NR2C2: variants seen among roughly 807,000 people sequenced by gnomAD.
NR2C2 encodes the protein Nuclear hormone receptor TR4.
Under a neutral mutation model 62.9 loss-of-function variants are expected in NR2C2, and 6 were observed. That is an observed-to-expected ratio of 0.10 (90% CI 0.05 to 0.19). The LOEUF (loss-of-function observed/expected upper bound fraction) is 0.19, where lower values mean the gene tolerates loss of function less well. Among genes scored for constraint, NR2C2 ranks in the 10% least tolerant of loss-of-function variants. The probability of loss-of-function intolerance (pLI) is 1.00; values close to 1 mark genes in which losing one functional copy is unlikely to be tolerated. For synonymous variants in NR2C2, 272 were observed against 273.8 expected (o/e 0.99, Z 0.07); for missense variants, 479 against 762.7 (o/e 0.63, Z 4.38).
intron 10 of NR2C2, among the ~76,000 whole-genome samples, chr3:15,033,671 CA>C (rs2042036063): frequency 9.4e-6 from 1 of 105,968 alleles, no homozygotes; most frequent in South Asian, 3.1e-4. Flanking sequence ...TTTTAAATAA[CA>C]CCACAGTCCA....
chr3:14,990,058 G>A (rs2040626223), intron 1 of NR2C2, among the ~76,000 whole-genome samples: 1 of 151,894 alleles, frequency 6.6e-6, no homozygotes, highest in African/African-American at 2.4e-5. Context: ...AGCCATGATT[G>A]CACCACTGGC....
chr3:14,954,346 G>C (rs943089737), intron 1 of NR2C2, among the ~76,000 whole-genome samples: 2 of 151,950 alleles, frequency 1.3e-5, no homozygotes, highest in African/African-American at 2.4e-5. Context: ...ATTAAAAATA[G>C]ATAAAAGTAA....
intron 2 of NR2C2, among the ~76,000 whole-genome samples, chr3:15,007,001 C>T (rs2041192638): frequency 6.6e-6 from 1 of 152,092 alleles, no homozygotes; most frequent in Non-Finnish European, 1.5e-5. Flanking sequence ...TCTCGAACTC[C>T]TGACCTCAGC....
chr3:15,028,290 T>G (rs2041879215), intron 7 of NR2C2, among the ~76,000 whole-genome samples: 1 of 152,246 alleles, frequency 6.6e-6, no homozygotes, highest in Admixed American at 6.5e-5. Flanking sequence ...GTTGTCCTTT[T>G]GTTTTATGGG....
intron 4 of NR2C2, among the ~76,000 whole-genome samples, chr3:15,019,723 C>T (rs1559296705): frequency 1.3e-5 from 2 of 151,562 alleles, no homozygotes; most frequent in African/African-American, 4.9e-5. Context: ...ATCATAGAAA[C>T]AGAGAGTAGA....
intron 10 of NR2C2, among the ~76,000 whole-genome samples, chr3:15,033,741 C>G (rs1437378881): frequency 6.6e-6 from 1 of 150,932 alleles, no homozygotes; most frequent in African/African-American, 2.4e-5. Flanking sequence ...ACATTGTTAC[C>G]CACTGCCCTG....
At chr3:14,986,741 A>G (rs2040524608) in intron 1 of NR2C2, among the ~76,000 whole-genome samples, 1 of 152,242 alleles carries the variant, frequency 6.6e-6, no homozygotes, top group South Asian at 2.1e-4. Flanking sequence ...CTACCAGAAT[A>G]AAAAATCAAA....
chr3:14,981,769 G>T (rs886241147), intron 1 of NR2C2, among the ~76,000 whole-genome samples: 1 of 152,134 alleles, frequency 6.6e-6, no homozygotes, highest in African/African-American at 2.4e-5. Context: ...AGGCCTGAGA[G>T]CCCCTGGCAG....
chr3:14,992,043 A>AT (rs1319332638), intron 1 of NR2C2, among the ~76,000 whole-genome samples: 2 of 152,078 alleles, frequency 1.3e-5, no homozygotes, highest in Non-Finnish European at 2.9e-5. Context: ...AACTGCTGTG[A>AT]TTATAGACAT....
rs1301047026 is a variant in NR2C2, at chr3:15,049,009, C to T, written c.*6001C>T. The stretch of plus-strand genomic sequence containing the variant: ...ACCTGTTGAAAGCTGCAGCTTTATA[C>T]AGCTTTCTTCTCCCTGTGAAATCAC... On this transcript the variant is annotated 3_prime_UTR_variant, in exon 14 of 14. Coordinates refer to ENST00000425241, the MANE Select transcript of NR2C2 (RefSeq NM_001291694.2). The T allele has an allele frequency of 2.0e-5, 3 of 152,644 alleles. No individual in the cohort carries two copies. The highest frequency in any genetic ancestry group is 4.8e-5 in the African/African-American group (2 of 41,454). The allele number at this position is 152,644 out of a possible 1,614,324, so 9.5% of individuals were successfully genotyped here.
chr3:15,027,173 G>A (rs1229736284), intron 7 of NR2C2, among the ~76,000 whole-genome samples: 7 of 151,784 alleles, frequency 4.6e-5, no homozygotes, highest in Admixed American at 3.3e-4. Context: ...CCAATTTTGT[G>A]TTTTTAGTAG....
At chr3:15,003,743 T>C in intron 1 of NR2C2, 133 bp from the exon 2 acceptor site, 3 of 582,738 alleles carry the variant, frequency 5.1e-6, no homozygotes, top group Non-Finnish European at 9.1e-6. Flanking sequence ...GTCATCATCC[T>C]TCTGGGTCCA....
chr3:14,994,567 C>T (rs1169373379), intron 1 of NR2C2, among the ~76,000 whole-genome samples: 2 of 150,876 alleles, frequency 1.3e-5, no homozygotes, highest in African/African-American at 4.9e-5. Context: ...CTCAGACTCC[C>T]GAGTAGCTGG....
chr3:15,036,494 TTTTGTTTG>T (rs563314391), intron 11 of NR2C2, among the ~76,000 whole-genome samples: 4 of 152,018 alleles, frequency 2.6e-5, no homozygotes, highest in Non-Finnish European at 5.9e-5. Context: ...GTTGTTGTTG[TTTTGTTTG>T]TTTGTTTTTT....
chr3:15,034,593 A>T (rs971562585), intron 10 of NR2C2, 77 bp from the exon 11 acceptor site: 22 of 1,485,968 alleles, frequency 1.5e-5, no homozygotes, highest in Middle Eastern at 1.8e-4. Flanking sequence ...AAATGCTGGG[A>T]CTTAGTGCCT....
chr3:15,032,895 A>G (rs1407789441), intron 10 of NR2C2, among the ~76,000 whole-genome samples: 2 of 152,162 alleles, frequency 1.3e-5, no homozygotes, highest in Non-Finnish European at 2.9e-5. Flanking sequence ...TGGATTTACA[A>G]TCTCACACAA....
At chr3:14,984,124 G>T (rs1318190361) in intron 1 of NR2C2, among the ~76,000 whole-genome samples, 1 of 152,082 alleles carries the variant, frequency 6.6e-6, no homozygotes, top group Non-Finnish European at 1.5e-5. Context: ...CCGACCTCAG[G>T]TGATCCACCT....
At position 15,003,954 on chromosome 3, in the gene NR2C2, G is replaced by A. The variant is rs774442457; in HGVS notation, c.40G>A (p.Asp14Asn). Residue 14 changes from aspartate (D) to asparagine (N), a missense_variant, in exon 2 of 14, where the codon GAC becomes AAC. Physicochemically the swap from Asp to Asn is conservative, Grantham distance 23 (BLOSUM62 1). Around this residue, in one of 4 missense-constraint regions of NR2C2, gnomAD observed 115 missense variants for 152.3 expected, o/e 0.76. Transcript: ENST00000425241. Reference protein sequence around the residue: ...PSPRIQIISTDSAVASPQRIQ... With the variant: ...PSPRIQIISTNSAVASPQRIQ... ...CCCACGCATCCAGATAATCTCCACC[G>A]ACTCTGCTGTAGCCTCACCTCAGCG... 6.2e-6 allele frequency: 10 copies of A among 1,613,466 alleles called. No homozygotes were observed. The highest frequency in any genetic ancestry group is 1.7e-4 in the Middle Eastern group (1 of 6,060).
chr3:14,957,532 A>G (rs746166267), intron 1 of NR2C2, among the ~76,000 whole-genome samples: 6 of 152,258 alleles, frequency 3.9e-5, no homozygotes, highest in Non-Finnish European at 7.3e-5. Flanking sequence ...AACCTGTCAC[A>G]TAAGGCCAAC....
Sources: gnomAD v4.1 joint callset for allele counts (sites outside exome capture counted in the v4.1 genomes callset) on GRCh38, gnomAD v4.1.1 for gene constraint, gnomAD v4.1.1 regional missense constraint, MANE v1.5 for transcripts, NCBI Gene and HGNC (gene_info 2026-07-23, HGNC 2026-07-21) for gene names.